LIMCH1: variants seen among roughly 807,000 people sequenced by gnomAD.
The protein encoded by LIMCH1 is LIM and calponin homology domains-containing protein 1.
LIMCH1 carries 113 observed loss-of-function variants against 176.5 expected under a neutral mutation model. That is an observed-to-expected ratio of 0.64 (90% confidence interval 0.55 to 0.75). The LOEUF is 0.75. Among genes scored for constraint, LIMCH1 ranks in the 30% least tolerant of loss-of-function variants. The probability of loss-of-function intolerance (pLI) is 0.00; values close to 1 mark genes in which losing one functional copy is unlikely to be tolerated. For missense variants in LIMCH1, 1,674 were observed against 1,814.9 expected (o/e 0.92, Z 1.41); for synonymous variants, 619 against 645.9 (o/e 0.96, Z 0.63).
intron 30 of LIMCH1, among the ~76,000 whole-genome samples, chr4:41,690,801 G>A (rs1724941749): frequency 6.6e-6 from 1 of 152,158 alleles, no homozygotes; most frequent in Admixed American, 6.6e-5. Context: ...TTTATCAAAA[G>A]TATTAGAATG....
At chr4:41,618,938 A>T (rs143324354) in intron 5 of LIMCH1, among the ~76,000 whole-genome samples, 1 of 152,318 alleles carries the variant, frequency 6.6e-6, no homozygotes, top group African/African-American at 2.4e-5. Context: ...ATTCTCGGAT[A>T]CAGTTAGGCT....
At chr4:41,521,198 C>CT (rs1197280090) in intron 2 of LIMCH1, among the ~76,000 whole-genome samples, 1 of 152,128 alleles carries the variant, frequency 6.6e-6, no homozygotes, top group African/African-American at 2.4e-5. Flanking sequence ...GTTGGACTTT[C>CT]TAAAGCACCA....
intron 1 of LIMCH1, among the ~76,000 whole-genome samples, chr4:41,410,452 G>T (rs1187730357): frequency 6.6e-6 from 1 of 152,174 alleles, no homozygotes; most frequent in Non-Finnish European, 1.5e-5. Flanking sequence ...TCGTAGGAAA[G>T]AATTATTTTT....
intron 1 of LIMCH1, among the ~76,000 whole-genome samples, chr4:41,585,157 C>G (rs966108261): frequency 6.6e-6 from 1 of 152,134 alleles, no homozygotes; most frequent in African/African-American, 2.4e-5. Flanking sequence ...TTTTCATCAT[C>G]ACAAACTAAA....
chr4:41,611,487 G>T (rs1290482592), intron 4 of LIMCH1, among the ~76,000 whole-genome samples: 1 of 152,232 alleles, frequency 6.6e-6, no homozygotes, highest in Non-Finnish European at 1.5e-5. Flanking sequence ...TAGTAGAGAA[G>T]ATGCTGATGG....
chr4:41,412,070 T>G (rs933102081), intron 1 of LIMCH1, among the ~76,000 whole-genome samples: 1 of 151,428 alleles, frequency 6.6e-6, no homozygotes, highest in African/African-American at 2.4e-5. Flanking sequence ...TTAGCAGAGA[T>G]TATTAGCTAT....
At chr4:41,562,279 T>A (rs1362061845) in intron 1 of LIMCH1, among the ~76,000 whole-genome samples, 1 of 152,172 alleles carries the variant, frequency 6.6e-6, no homozygotes, top group Non-Finnish European at 1.5e-5. Context: ...GTAGAGTGAT[T>A]GGGGTGTACG....
chr4:41,602,667 T>C (rs954203504), intron 2 of LIMCH1, among the ~76,000 whole-genome samples: 2 of 151,650 alleles, frequency 1.3e-5, no homozygotes, highest in Non-Finnish European at 2.9e-5. Flanking sequence ...AATTAGCTGG[T>C]CATGGTGGCA....
intron 1 of LIMCH1, among the ~76,000 whole-genome samples, chr4:41,384,239 C>G (rs940371241): frequency 1.3e-5 from 2 of 151,756 alleles, no homozygotes; most frequent in African/African-American, 4.8e-5. Flanking sequence ...GAGTCTTGCT[C>G]TGTCACCCAG....
intron 1 of LIMCH1, among the ~76,000 whole-genome samples, chr4:41,448,700 G>C (rs571653613): frequency 7.6e-4 from 116 of 152,200 alleles, no homozygotes; most frequent in Non-Finnish European, 1.3e-3. Context: ...GACTTTGAAA[G>C]GAGACCTTGT....
At chr4:41,531,473 G>GACACAC (rs2077279548) in intron 3 of LIMCH1, among the ~76,000 whole-genome samples, 1 of 42,158 alleles carries the variant, frequency 2.4e-5, no homozygotes, top group African/African-American at 9.2e-5. Flanking sequence ...GTCTTTCTCT[G>GACACAC]TCACACACAC....
intron 4 of LIMCH1, 60 bp from the exon 5 acceptor site, chr4:41,613,406 T>C (rs1482458591): frequency 6.9e-7 from 1 of 1,448,664 alleles, no homozygotes; most frequent in South Asian, 1.2e-5. Flanking sequence ...TGGAGACCCA[T>C]CTTCCTGATA....
At chr4:41,639,706 A>G (rs1033754680) in intron 14 of LIMCH1, among the ~76,000 whole-genome samples, 2 of 152,190 alleles carry the variant, frequency 1.3e-5, no homozygotes, top group African/African-American at 4.8e-5. Flanking sequence ...ACTGATATTC[A>G]AGGCAAACTT....
intron 1 of LIMCH1, among the ~76,000 whole-genome samples, chr4:41,578,919 T>A (rs1385930319): frequency 2.0e-5 from 3 of 152,062 alleles, no homozygotes; most frequent in Non-Finnish European, 4.4e-5. Flanking sequence ...TCCAGGCTGG[T>A]CTCAAACTCC....
chr4:41,503,556 C>T (rs1481375878), intron 2 of LIMCH1, among the ~76,000 whole-genome samples: 1 of 152,152 alleles, frequency 6.6e-6, no homozygotes, highest in South Asian at 2.1e-4. Flanking sequence ...TATTAGGTCT[C>T]TTTGAGGCCT....
At chr4:41,610,498 G>A (rs777581513) in intron 4 of LIMCH1, among the ~76,000 whole-genome samples, 3 of 152,172 alleles carry the variant, frequency 2.0e-5, no homozygotes, top group Admixed American at 2.0e-4. Flanking sequence ...TTTATGATTT[G>A]TATATATTGA....
At chr4:41,453,238 C>A (rs537415188) in intron 1 of LIMCH1, among the ~76,000 whole-genome samples, 1 of 152,104 alleles carries the variant, frequency 6.6e-6, no homozygotes, top group Admixed American at 6.6e-5. Context: ...TATATAGATA[C>A]ACACACACAT....
chr4:41,448,530 C>T (rs1480221224), intron 1 of LIMCH1, among the ~76,000 whole-genome samples: 1 of 144,970 alleles, frequency 6.9e-6, no homozygotes, highest in Non-Finnish European at 1.5e-5. Context: ...AAGCACAATT[C>T]ATTAATTTTT....
chr4:41,464,370 C>CTTT (rs753362999), intron 1 of LIMCH1, among the ~76,000 whole-genome samples: 3 of 139,122 alleles, frequency 2.2e-5, no homozygotes, highest in Admixed American at 7.2e-5. Context: ...TTCTTTTTTT[C>CTTT]TTTTTTTTTT....
Sources: allele counts gnomAD v4.1 joint callset (sites outside exome capture counted in the v4.1 genomes callset), GRCh38; gene constraint gnomAD v4.1.1; transcripts MANE v1.5; gene names NCBI Gene and HGNC (gene_info 2026-07-23, HGNC 2026-07-21).